Variants in COL6A6 observed in about 807,000 individuals in gnomAD.
The protein encoded by COL6A6 is collagen type VI alpha 6 chain.
A neutral mutation model predicts 208.6 loss-of-function variants in COL6A6; 183 were observed. The observed-to-expected ratio is 0.88, with a 90% confidence interval of 0.78 to 0.99. The LOEUF is 0.99. Among genes scored for constraint, COL6A6 ranks in the 50% least tolerant of loss-of-function variants. The pLI is 0.00. For missense variants in COL6A6, 2,816 were observed against 2,815.2 expected, an observed-to-expected ratio of 1.00 and a Z score of -0.01; for synonymous variants, 973 against 1,011.8, an observed-to-expected ratio of 0.96 and a Z score of 0.73.
intron 31 of COL6A6, 22 bp downstream of exon 31, chr3:130,643,045 A>G (rs368644573): frequency 5.0e-6 from 8 of 1,610,658 alleles, no homozygotes; most frequent in African/African-American, 1.3e-5. Context: ...GCTTAAAATG[A>G]TCACCCAAGT....
chr3:130,620,755 C>A (rs2064690955), intron 23 of COL6A6, among the ~76,000 whole-genome samples: 1 of 152,106 alleles, frequency 6.6e-6, no homozygotes, highest in African/African-American at 2.4e-5. Context: ...GTTAATGTTA[C>A]AATATTTTTG....
chr3:130,543,596 T>C (rs946443745), intron 1 of COL6A6, among the ~76,000 whole-genome samples: 1 of 152,244 alleles, frequency 6.6e-6, no homozygotes, highest in South Asian at 2.1e-4. Context: ...ATAACACTTA[T>C]ACTGCTTCAT....
At chr3:130,674,095 G>A (rs1158048089) in intron 36 of COL6A6, among the ~76,000 whole-genome samples, 1 of 152,122 alleles carries the variant, frequency 6.6e-6, no homozygotes, top group African/African-American at 2.4e-5. Context: ...GCTCGGCTAG[G>A]GGCTAGAATA....
rs759522801 is a variant in COL6A6, at chr3:130,642,963, TTC to T, written c.5191-22_5191-21del. On this transcript the variant is annotated intron_variant, in intron 30 of 36. Transcript: ENST00000358511. Reference sequence around the variant, plus strand: ...GCCTAGCAGTTTGTTGTTTAATTGTTTCTGTTTTATTTTCGAACTGCAGACAT... The same window carrying T: ...GCCTAGCAGTTTGTTGTTTAATTGTTTGTTTTATTTTCGAACTGCAGACAT... The T allele has an allele frequency of 1.2e-4, 199 of 1,613,866 alleles. 2 individuals are homozygous for T. Among genetic ancestry groups the T allele is most frequent in the Middle Eastern group, 1.2e-3 (7 of 6,062 alleles).
At chr3:130,645,938 GAA>G (rs2065451201) in intron 32 of COL6A6, among the ~76,000 whole-genome samples, 1 of 152,148 alleles carries the variant, frequency 6.6e-6, no homozygotes. Context: ...AATATTTGTT[GAA>G]AGCCTAGTAA....
intron 1 of COL6A6, among the ~76,000 whole-genome samples, chr3:130,531,803 T>G (rs1042957490): frequency 6.6e-6 from 1 of 152,228 alleles, no homozygotes; most frequent in African/African-American, 2.4e-5. Context: ...TCGTTCTTGC[T>G]GAATTTCAGT....
chr3:130,530,105 G>C (rs545402240), intron 1 of COL6A6, among the ~76,000 whole-genome samples: 1 of 152,350 alleles, frequency 6.6e-6, no homozygotes, highest in African/African-American at 2.4e-5. Flanking sequence ...TCTGAGGCTT[G>C]TTCCAGTGTG....
chr3:130,645,012 C>A lies in COL6A6; in HGVS notation c.5239+10C>A, dbSNP rs745524915. The A allele has an allele frequency of 3.1e-6, 5 of 1,610,704 alleles. No homozygotes were observed. Among genetic ancestry groups the A allele is most frequent in the Non-Finnish European group, 4.2e-6 (5 of 1,177,126 alleles). Reference sequence around the variant, plus strand: ...CCAGCTGGCAGGCATGGTGAGTAATCTTTATTTACAGCATGCTTTAATCAA... The same window carrying A: ...CCAGCTGGCAGGCATGGTGAGTAATATTTATTTACAGCATGCTTTAATCAA... On this transcript the variant is annotated intron_variant, in intron 32 of 36. Coordinates refer to ENST00000358511, the MANE Select transcript of COL6A6 (RefSeq NM_001102608.3).
chr3:130,518,388 T>G (rs1480970346), intron 1 of COL6A6, among the ~76,000 whole-genome samples: 1 of 152,256 alleles, frequency 6.6e-6, no homozygotes, highest in Non-Finnish European at 1.5e-5. Flanking sequence ...AATGTTAAAT[T>G]TATTGTTCAG....
Position 130,671,764 on chromosome 3 carries a change from T to C in COL6A6, c.6597-3438T>C, listed in dbSNP as rs538811202. Among the ~76,000 whole-genome samples the C allele has an allele frequency of 2.6e-5, 4 of 152,266 alleles. No homozygotes were observed. In the East Asian group the frequency reaches 7.7e-4, roughly 29 times the overall value. On this transcript the variant is annotated intron_variant, in intron 36 of 36. Transcript: ENST00000358511. ...CATGTAGAAGCTGGTGCTTATCAGATAGAAAAGGAAGGAGCTGAATCAAAC... is the reference window on the plus strand; with the variant it reads ...CATGTAGAAGCTGGTGCTTATCAGACAGAAAAGGAAGGAGCTGAATCAAAC...
At chr3:130,573,636 G>A (rs572839236) in intron 7 of COL6A6, among the ~76,000 whole-genome samples, 2 of 148,374 alleles carry the variant, frequency 1.3e-5, no homozygotes, top group South Asian at 4.3e-4. Context: ...GCACAATCTC[G>A]GCTCACTACA....
At chr3:130,517,097 G>C (rs538131963), upstream of COL6A6, among the ~76,000 whole-genome samples, 1 of 152,288 alleles carries the variant, frequency 6.6e-6, no homozygotes, top group African/African-American at 2.4e-5. Flanking sequence ...CGTGCGCTGG[G>C]CCCGGGGCCG....
chr3:130,604,147 C>A (rs967339261), intron 20 of COL6A6, among the ~76,000 whole-genome samples: 3 of 152,160 alleles, frequency 2.0e-5, no homozygotes, highest in Admixed American at 1.3e-4. Context: ...TGTTTTCTGT[C>A]TCTCACAGCA....
In COL6A6 at chr3:130,568,623, A is replaced by G; in HGVS notation, c.2401+19A>G. On this transcript the variant is annotated intron_variant, in intron 6 of 36. Coordinates refer to ENST00000358511, the MANE Select transcript of COL6A6 (RefSeq NM_001102608.3). ...CGTGAAGGTAGGCATGGGCATACTC[A>G]CTAGCAGGACTATCCGAACAACAGA... is the stretch of plus-strand genomic sequence containing the variant. 1 of 1,558,220 alleles carries G rather than the reference A, an allele frequency of 6.4e-7. No homozygotes were observed. The highest frequency in any genetic ancestry group is 1.2e-5 in the South Asian group (1 of 84,544).
rs368993517 is a variant in COL6A6 at position 130,573,287 on chromosome 3, A to G, written c.2978-669A>G. On this transcript the variant is annotated intron_variant, in intron 7 of 36. Coordinates refer to ENST00000358511, the MANE Select transcript of COL6A6 (RefSeq NM_001102608.3). ...TTTTGTTTTCTCTTGGTGTGCTACT[A>G]TTGTCACCGGGCTTTCTGGAAGAGC... Among the ~76,000 whole-genome samples, 151 of 152,120 alleles carry G rather than the reference A, an allele frequency of 9.9e-4. 1 individual carries two copies. Among genetic ancestry groups the G allele is most frequent in the Middle Eastern group, 3.2e-3 (1 of 316 alleles).
At position 130,568,093 on chromosome 3, in the gene COL6A6, TGGAA is replaced by T; in HGVS notation, c.1892_1895del (p.Gly631ValfsTer2). On this transcript the variant is annotated frameshift_variant, in exon 6 of 37. Coordinates refer to ENST00000358511, the MANE Select transcript of COL6A6 (RefSeq NM_001102608.3). LOFTEE classifies it high-confidence loss of function. ...ACATCATGTTTCTGGTGGACAGTTC[TGGAA>T]GTATAGGACCTGAAAACTTCAGCAA... 1.2e-6 allele frequency: 2 copies of T among 1,613,988 alleles called. No homozygotes were observed. The highest frequency in any genetic ancestry group is 1.7e-6 in the Non-Finnish European group (2 of 1,179,882).
rs754199994 is a variant in COL6A6 at position 130,593,077 on chromosome 3, A to G, written c.4388A>G (p.Asn1463Ser). The G allele has an allele frequency of 8.1e-6, 13 of 1,613,688 alleles. No individual in the cohort carries two copies. Among genetic ancestry groups the G allele is most frequent in the Non-Finnish European group, 1.1e-5 (13 of 1,179,604 alleles). Reference protein sequence around the residue: ...LNGQEGEVGENGIDGLNGEQG... With the variant: ...LNGQEGEVGESGIDGLNGEQG... ...TCTTTTCAGGGAGAAGTTGGGGAAA[A>G]TGGAATTGACGGATTAAACGGAGAA... Residue 1463 changes from asparagine (N) to serine (S), a missense_variant, in exon 16 of 37, where the codon AAT becomes AGT. Physicochemically the swap from Asn to Ser is conservative, Grantham distance 46. Coordinates refer to ENST00000358511, the MANE Select transcript of COL6A6 (RefSeq NM_001102608.3).
chr3:130,601,898 T>C (rs2064033000), intron 20 of COL6A6, among the ~76,000 whole-genome samples: 1 of 152,254 alleles, frequency 6.6e-6, no homozygotes, highest in African/African-American at 2.4e-5. Flanking sequence ...AGAAAGCTGA[T>C]ACATCAAGTG....
chr3:130,545,399 A>G (rs188207082), intron 1 of COL6A6, among the ~76,000 whole-genome samples: 6 of 151,376 alleles, frequency 4.0e-5, no homozygotes, highest in Non-Finnish European at 8.8e-5. Flanking sequence ...GTTGAATGTA[A>G]TTCTCATCAT....
Sources: allele counts gnomAD v4.1 joint callset (sites outside exome capture counted in the v4.1 genomes callset), GRCh38; gene constraint gnomAD v4.1.1; transcripts MANE v1.5; gene names NCBI Gene and HGNC (gene_info 2026-07-23, HGNC 2026-07-21).